Variants in CSMD1 observed in about 807,000 individuals in gnomAD.
CSMD1 encodes the protein CUB and sushi domain-containing protein 1.
Under a neutral mutation model 417.5 loss-of-function variants are expected in CSMD1, and 213 were observed. The observed-to-expected ratio is 0.51, with a 90% CI of 0.46 to 0.57. CSMD1 has a LOEUF of 0.57. Ranked by LOEUF, CSMD1 falls within the 20% of genes least tolerant of loss-of-function variation. CSMD1 has a pLI of 0.00. For synonymous variants in CSMD1, 2,862 were observed against 1,736.8 expected (o/e 1.65, Z -16.11); for missense variants, 6,923 against 4,529.7 (o/e 1.53, Z -15.17).
intron 1 of CSMD1, among the ~76,000 whole-genome samples, chr8:4,760,740 G>C (rs942964154): frequency 3.3e-5 from 5 of 151,884 alleles, no homozygotes; most frequent in Non-Finnish European, 7.4e-5. Context: ...ATTAAGTTTG[G>C]GGAAAGTATT....
intron 10 of CSMD1, among the ~76,000 whole-genome samples, chr8:3,527,732 G>A (rs879844583): frequency 1.3e-5 from 2 of 152,154 alleles, no homozygotes; most frequent in Non-Finnish European, 2.9e-5. Flanking sequence ...AGGGGTGGGT[G>A]AAACGAAGAC....
chr8:4,290,215 ATG>A (rs1343198868), intron 3 of CSMD1, among the ~76,000 whole-genome samples: 2 of 151,934 alleles, frequency 1.3e-5, no homozygotes, highest in Non-Finnish European at 2.9e-5. Context: ...ACACACTTGT[ATG>A]TGTGTCTGCA....
chr8:4,937,171 A>C (rs10109821), intron 1 of CSMD1, among the ~76,000 whole-genome samples: 37,000 of 151,984 alleles, frequency 0.24, 4,608 homozygotes, highest in East Asian at 0.38. Context: ...TCTGATCCTG[A>C]GACTGCATTA....
chr8:4,175,570 G>T (rs1797995050), intron 3 of CSMD1, among the ~76,000 whole-genome samples: 1 of 152,010 alleles, frequency 6.6e-6, no homozygotes, highest in Non-Finnish European at 1.5e-5. Context: ...TAGATTTTTT[G>T]AAAGGTATAT....
chr8:4,098,710 T>C (rs1453348360), intron 3 of CSMD1, among the ~76,000 whole-genome samples: 1 of 152,224 alleles, frequency 6.6e-6, no homozygotes, highest in African/African-American at 2.4e-5. Context: ...GCACCTACTC[T>C]AGGTTTATTT....
At chr8:4,700,568 A>G (rs2116814691) in intron 1 of CSMD1, among the ~76,000 whole-genome samples, 1 of 152,274 alleles carries the variant, frequency 6.6e-6, no homozygotes, top group African/African-American at 2.4e-5. Flanking sequence ...CTTAAGTGTG[A>G]TTTGCTTAAG....
At position 3,708,443 on chromosome 8, in the gene CSMD1, C is replaced by G; in HGVS notation, c.980G>C (p.Ser327Thr). The part of the protein sequence containing the change: ...LKSRGVKMLP[S>T]KDGSHKNSVL... Reference sequence around the variant, plus strand: ...AGAGTTTTTATGGCTTCCATCCTTGCTGGGCAGCATCTTGACTCCTCTTGA... The same window carrying G: ...AGAGTTTTTATGGCTTCCATCCTTGGTGGGCAGCATCTTGACTCCTCTTGA... The change falls in exon 7 of 70, where the codon AGC becomes ACC. Residue 327 changes from serine to threonine, a missense_variant. By Grantham distance (58) the Ser-to-Thr change is moderately conservative (BLOSUM62 1). Transcript: ENST00000635120. 6.2e-7 allele frequency: 1 copy of G among 1,613,944 alleles called. No homozygotes were observed. The highest frequency in any genetic ancestry group is 1.1e-5 in the South Asian group (1 of 91,078).
intron 3 of CSMD1, among the ~76,000 whole-genome samples, chr8:4,179,112 A>G (rs1476023188): frequency 6.6e-6 from 1 of 152,214 alleles, no homozygotes; most frequent in Non-Finnish European, 1.5e-5. Context: ...AAGAGCCCGC[A>G]TCGCCAAGTC....
At chr8:3,601,259 A>C (rs1443940795) in intron 8 of CSMD1, among the ~76,000 whole-genome samples, 1 of 152,184 alleles carries the variant, frequency 6.6e-6, no homozygotes, top group East Asian at 1.9e-4. Flanking sequence ...ATGGAGGCCA[A>C]GATTTGGTAG....
At chr8:4,222,149 C>T (rs921802963) in intron 3 of CSMD1, among the ~76,000 whole-genome samples, 3 of 151,972 alleles carry the variant, frequency 2.0e-5, no homozygotes, top group East Asian at 1.9e-4. Flanking sequence ...CTTCACAGAG[C>T]CTTACCACCA....
At chr8:3,861,888 A>T (rs1027243164) in intron 5 of CSMD1, among the ~76,000 whole-genome samples, 2 of 152,188 alleles carry the variant, frequency 1.3e-5, no homozygotes, top group Admixed American at 6.5e-5. Context: ...AGTGGAAGTC[A>T]TAGCATCCAA....
At chr8:3,143,071 C>G (rs890904143) in intron 40 of CSMD1, among the ~76,000 whole-genome samples, 3 of 152,136 alleles carry the variant, frequency 2.0e-5, no homozygotes, top group African/African-American at 7.2e-5. Context: ...GTTACATCAC[C>G]CAAAAGCTAA....
intron 3 of CSMD1, among the ~76,000 whole-genome samples, chr8:4,188,246 A>G (rs1200674138): frequency 6.6e-6 from 1 of 152,178 alleles, no homozygotes; most frequent in African/African-American, 2.4e-5. Flanking sequence ...CCCAGAAAAC[A>G]GCGCACTTTT....
intron 3 of CSMD1, among the ~76,000 whole-genome samples, chr8:4,146,373 C>T (rs979063473): frequency 6.6e-6 from 1 of 150,490 alleles, no homozygotes; most frequent in Non-Finnish European, 1.5e-5. Context: ...CATCGACTTG[C>T]AGAGCTGGCA....
intron 2 of CSMD1, among the ~76,000 whole-genome samples, chr8:4,443,167 G>C (rs1444011494): frequency 2.6e-5 from 4 of 152,134 alleles, no homozygotes; most frequent in Non-Finnish European, 5.9e-5. Flanking sequence ...TTAAATGGTA[G>C]AATTCTTACA....
intron 2 of CSMD1, among the ~76,000 whole-genome samples, chr8:4,486,268 T>TACATATATATATATATATACATAC: frequency 7.2e-6 from 1 of 139,450 alleles, no homozygotes; most frequent in Admixed American, 7.3e-5. Flanking sequence ...TATATATATA[T>TACATATATATATATATATACATAC]ATATATATAC....
chr8:3,462,226 T>C (rs6558778), intron 12 of CSMD1, among the ~76,000 whole-genome samples: 23,049 of 152,078 alleles, frequency 0.15, 2,311 homozygotes, highest in African/African-American at 0.27. Flanking sequence ...CCCATGTCAA[T>C]GGTCAATGGC....
At chr8:3,794,812 C>A (rs1458253364) in intron 5 of CSMD1, among the ~76,000 whole-genome samples, 2 of 151,974 alleles carry the variant, frequency 1.3e-5, no homozygotes, top group Non-Finnish European at 2.9e-5. Context: ...TGTCAATAAA[C>A]TTTAATTCTG....
In CSMD1 at chr8:3,308,365, G is replaced by A; in HGVS notation, c.3770C>T (p.Thr1257Ile). ...GYAMHGSNTL[T>I]CLSGDRRVWD... ...CACTCTCCTGTCTCCACTCAAACAG[G>A]TCAGGGTGTTGCTGCCATGCATGGC... The change falls in exon 24 of 70, where the codon ACC becomes ATC. Residue 1257 changes from threonine to isoleucine, a missense_variant. Physicochemically the swap from Thr to Ile is moderately conservative, Grantham distance 89 (BLOSUM62 -1). Coordinates refer to ENST00000635120, the MANE Select transcript of CSMD1 (RefSeq NM_033225.6). 6.2e-7 allele frequency: 1 copy of A among 1,613,746 alleles called. No individual in the cohort carries two copies. The highest frequency in any genetic ancestry group is 1.3e-5 in the African/African-American group (1 of 75,058).
Sources: allele counts gnomAD v4.1 joint callset (sites outside exome capture counted in the v4.1 genomes callset), GRCh38; gene constraint gnomAD v4.1.1; transcripts MANE v1.5; gene names NCBI Gene and HGNC (gene_info 2026-07-23, HGNC 2026-07-21).